Variants in ARIH2 observed in about 807,000 individuals in gnomAD.
The protein encoded by ARIH2 is ariadne RBR E3 ubiquitin protein ligase 2, also known as E3 ubiquitin-protein ligase ARIH2.
A neutral mutation model predicts 79.8 loss-of-function variants in ARIH2; 12 were observed. The ratio of observed to expected loss-of-function variants is 0.15; its 90% CI spans 0.10 to 0.24. ARIH2 has a LOEUF of 0.24. Among genes scored for constraint, ARIH2 ranks in the 10% least tolerant of loss-of-function variants. The pLI is 1.00. For synonymous variants in ARIH2, 224 were observed against 213.9 expected, an observed-to-expected ratio of 1.05 and a Z score of -0.41; for missense variants, 301 against 618.3, an observed-to-expected ratio of 0.49 and a Z score of 5.44.
intron 1 of ARIH2, 145 bp downstream of exon 1, chr3:48,919,143 C>A (rs771103420): frequency 7.7e-7 from 1 of 1,303,440 alleles, no homozygotes; most frequent in South Asian, 2.9e-5. Context: ...GCACGTTGTC[C>A]GAGCATTACC....
chr3:48,952,523 T>C (rs2090091044), intron 3 of ARIH2, among the ~76,000 whole-genome samples: 1 of 152,192 alleles, frequency 6.6e-6, no homozygotes, highest in African/African-American at 2.4e-5. Context: ...GGAAGGGATA[T>C]ACATTAAGAT....
intron 3 of ARIH2, among the ~76,000 whole-genome samples, chr3:48,933,235 GGTGTGTGTGTGTGTGT>G (rs57911300): frequency 0.12 from 16,517 of 134,308 alleles, 1,531 homozygotes; most frequent in African/African-American, 0.25. Context: ...CACATGCCCG[GGTGTGTGTGTGTGTGT>G]GTGTGTGTGT....
Position 48,927,810 on chromosome 3 carries a change from A to G in ARIH2, c.252A>G (p.Leu84=). ...NEHMTSLASV[L]KVSHSVAKLI... ...ACATGACCAGCTTAGCTTCTGTCCT[A>G]AAGGTGAGCAGTGTTGTAAACTCCA... Residue 84 remains leucine, a synonymous_variant, in exon 3 of 16, where the codon CTA becomes CTG. Coordinates refer to ENST00000356401, the MANE Select transcript of ARIH2 (RefSeq NM_006321.4). 6.2e-7 allele frequency: 1 copy of G among 1,614,000 alleles called. No individual in the cohort carries two copies. The highest frequency in any genetic ancestry group is 8.5e-7 in the Non-Finnish European group (1 of 1,179,920).
At chr3:48,942,052 ATT>A (rs35777653) in intron 3 of ARIH2, among the ~76,000 whole-genome samples, 6 of 138,436 alleles carry the variant, frequency 4.3e-5, no homozygotes, top group Non-Finnish European at 3.1e-5. Context: ...TACCTGGCTA[ATT>A]TTTTTTTTTT....
rs2092368990 is a variant in ARIH2, at chr3:48,973,780, T to A, written c.852T>A (p.Ser284=). 2.5e-6 allele frequency: 4 copies of A among 1,614,004 alleles called. No homozygotes were observed. The African/African-American group carries it at 5.3e-5, about 22-fold the overall frequency. ...RKWLTKCADD[S]ETANYISAHT... ...GGCTCACGAAGTGTGCAGACGACTC[T>A]GAAACAGCCAACTACATTAGTGCTC... Residue 284 remains serine (S), a synonymous_variant, in exon 9 of 16, where the codon TCT becomes TCA. Coordinates refer to ENST00000356401, the MANE Select transcript of ARIH2 (RefSeq NM_006321.4).
intron 1 of ARIH2, among the ~76,000 whole-genome samples, chr3:48,921,794 T>C (rs1283081503): frequency 6.6e-6 from 1 of 151,378 alleles, no homozygotes; most frequent in Non-Finnish European, 1.5e-5. Flanking sequence ...CTCTGTCGCC[T>C]AGACTGGAGT....
intron 3 of ARIH2, among the ~76,000 whole-genome samples, chr3:48,953,349 G>T (rs912713640): frequency 6.6e-6 from 1 of 152,268 alleles, no homozygotes; most frequent in East Asian, 1.9e-4. Context: ...TTGGCAGTTA[G>T]ACCCCATAAG....
chr3:48,977,561 G>A (rs1459761454), intron 11 of ARIH2, among the ~76,000 whole-genome samples: 6 of 152,052 alleles, frequency 3.9e-5, no homozygotes, highest in South Asian at 2.1e-4. Flanking sequence ...GGGTTCAAGC[G>A]ATTCTCCTGC....
chr3:48,919,304 C>T, intron 1 of ARIH2: 1 of 969,728 alleles, frequency 1.0e-6, no homozygotes, highest in East Asian at 3.3e-5. Context: ...CGGGGAAACG[C>T]GCCGCCTCGG....
chr3:48,930,695 C>T (rs1022343357), intron 3 of ARIH2, among the ~76,000 whole-genome samples: 11 of 152,058 alleles, frequency 7.2e-5, no homozygotes, highest in South Asian at 2.1e-4. Flanking sequence ...AATGGTGTTC[C>T]GGCTACTCTG....
intron 3 of ARIH2, among the ~76,000 whole-genome samples, chr3:48,959,674 A>AAAAAAAAAAAAAT: frequency 6.6e-6 from 1 of 150,764 alleles, no homozygotes; most frequent in Non-Finnish European, 1.5e-5. Context: ...AAAAAAAAAA[A>AAAAAAAAAAAAAT]AGAAAAGAAA....
intron 2 of ARIH2, chr3:48,924,583 AT>A (rs755175917): frequency 6.6e-6 from 1 of 152,096 alleles, no homozygotes; most frequent in Admixed American, 6.6e-5. Flanking sequence ...CAGTGGCATG[AT>A]CTTGGCTCAC....
chr3:48,924,700 A>G (rs1289786300), intron 2 of ARIH2: 1 of 144,602 alleles, frequency 6.9e-6, no homozygotes. Context: ...TTTATTTTTT[A>G]TTTTTTTATT....
chr3:48,931,761 A>G (rs1362815392), intron 3 of ARIH2, among the ~76,000 whole-genome samples: 1 of 152,038 alleles, frequency 6.6e-6, no homozygotes, highest in South Asian at 2.1e-4. Flanking sequence ...TCACGCCTGT[A>G]ATCCGAGTAC....
intron 3 of ARIH2, chr3:48,934,952 G>A: frequency 2.0e-6 from 2 of 985,008 alleles, no homozygotes; most frequent in South Asian, 9.4e-5. Flanking sequence ...GGGTGATACG[G>A]TATTTGTGTG....
In ARIH2 at chr3:48,937,857, C is replaced by G. The variant is rs535064823; in HGVS notation, c.255+10044C>G. Among the ~76,000 whole-genome samples the G allele has an allele frequency of 2.0e-3, 308 of 152,102 alleles. 2 individuals are homozygous for G. Among genetic ancestry groups the G allele is most frequent in the African/African-American group, 7.0e-3 (291 of 41,486 alleles). ...GATCAGGAGATCAAGATCATCCTGG[C>G]CAACACAATGAAACGCCGTCTCTAC... On this transcript the variant is annotated intron_variant, in intron 3 of 15. Coordinates refer to ENST00000356401, the MANE Select transcript of ARIH2 (RefSeq NM_006321.4).
chr3:48,967,300 A>G (rs1464850199), intron 6 of ARIH2, 25 bp downstream of exon 6: 2 of 1,608,136 alleles, frequency 1.2e-6, no homozygotes, highest in East Asian at 4.5e-5. Flanking sequence ...AAACTTATAA[A>G]AAGCTGGCAT....
chr3:48,965,983 C>T (rs965709128), intron 5 of ARIH2, among the ~76,000 whole-genome samples: 3 of 151,818 alleles, frequency 2.0e-5, no homozygotes, highest in African/African-American at 4.8e-5. Flanking sequence ...ATCTAAGCCA[C>T]CTCTGACAAA....
chr3:48,982,985 T>A lies in ARIH2; in HGVS notation c.1410+6T>A, dbSNP rs1362574814. The A allele has an allele frequency of 6.2e-7, 1 of 1,612,790 alleles. No individual in the cohort carries two copies. Among genetic ancestry groups the A allele is most frequent in the South Asian group, 1.1e-5 (1 of 91,034 alleles). ...CAGACAGCTATGACAGAGGGGTAAG[T>A]GCCTACTGTCCTCTTGGATTCTATA... On this transcript the variant is annotated splice_donor_region_variant and intron_variant, in intron 15 of 15. Transcript: ENST00000356401.
Sources: gnomAD v4.1 joint callset for allele counts (sites outside exome capture counted in the v4.1 genomes callset) on GRCh38, gnomAD v4.1.1 for gene constraint, MANE v1.5 for transcripts, NCBI Gene and HGNC (gene_info 2026-07-23, HGNC 2026-07-21) for gene names.